The following SCOC variants were observed in gnomAD, a reference collection of about 807,000 sequenced individuals.
SCOC encodes short coiled-coil protein, also known as short coiled coil protein.
A neutral mutation model predicts 9.9 loss-of-function variants in SCOC; 7 were observed. That is an observed-to-expected ratio of 0.71 (90% CI 0.40 to 1.33). The LOEUF (loss-of-function observed/expected upper bound fraction) is 1.33, where lower values mean the gene tolerates loss of function less well. SCOC is among the 40% of genes most tolerant of loss of function. SCOC has a pLI of 0.01. For missense variants in SCOC, 66 were observed against 89.7 expected (o/e 0.74, Z 1.07); for synonymous variants, 19 against 28.2 (o/e 0.67, Z 1.03).
intron 1 of SCOC, among the ~76,000 whole-genome samples, chr4:140,260,626 G>T (rs1188351455): frequency 6.6e-6 from 1 of 152,176 alleles, no homozygotes; most frequent in East Asian, 1.9e-4. Context: ...CCAATGTCCT[G>T]AAATTTTAGT....
chr4:140,325,302 C>T (rs1266631323), intron 1 of SCOC, among the ~76,000 whole-genome samples: 1 of 152,016 alleles, frequency 6.6e-6, no homozygotes, highest in Non-Finnish European at 1.5e-5. Flanking sequence ...AAGAAAAAAA[C>T]TGATAAATTT....
At chr4:140,358,126 T>G (rs1299797477) in intron 2 of SCOC, among the ~76,000 whole-genome samples, 1 of 152,194 alleles carries the variant, frequency 6.6e-6, no homozygotes, top group African/African-American at 2.4e-5. Context: ...CACTCCCTAT[T>G]GTATTGATGG....
In SCOC at chr4:140,282,797, T is replaced by A. The variant is rs149985569; in HGVS notation, c.-19+25387T>A. Among the ~76,000 whole-genome samples, 474 of 152,350 alleles carry A rather than the reference T, an allele frequency of 3.1e-3. 5 individuals are homozygous for A. Among genetic ancestry groups the A allele is most frequent in the African/African-American group, 0.011 (447 of 41,590 alleles). ...AGGTACCTCCCTGCTCTTGAATCTG[T>A]GGGATTATCAATCTCTTAAGCTCCG... On this transcript the variant is annotated intron_variant, in intron 1 of 4. Coordinates refer to the SCOC transcript ENST00000394205.
At chr4:140,261,039 G>A (rs754583546) in intron 1 of SCOC, among the ~76,000 whole-genome samples, 2 of 152,168 alleles carry the variant, frequency 1.3e-5, no homozygotes, top group African/African-American at 2.4e-5. Flanking sequence ...TATGTGCCAG[G>A]CATCATAGCT....
At chr4:140,262,518 G>A (rs1422346518) in intron 1 of SCOC, among the ~76,000 whole-genome samples, 1 of 152,162 alleles carries the variant, frequency 6.6e-6, no homozygotes, top group Non-Finnish European at 1.5e-5. Context: ...CTCTTTGCTT[G>A]TCTTTCTATA....
rs1030119534 is a variant in SCOC at position 140,373,999 on chromosome 4, C to T, written c.-51+282C>T. ...CCTGACGCAGACATCGTGTAGCTTT[C>T]TCCCCGCAGCTCCTGGGTCGGGAGC... On this transcript the variant is annotated intron_variant, in intron 1 of 3. Transcript: ENST00000608372. The T allele has an allele frequency of 2.3e-5, 14 of 608,388 alleles. No individual in the cohort carries two copies. In the African/African-American group the frequency reaches 2.5e-4, roughly 11 times the overall value. 37.7% of individuals were successfully genotyped at this position (608,388 alleles called of 1,614,324 possible). A position where few individuals can be genotyped will look rare whatever the true frequency, so the allele number is the denominator to read the frequency against.
At chr4:140,373,319 A>G (rs1728141218), upstream of SCOC, 2 of 1,396,220 alleles carry the variant, frequency 1.4e-6, no homozygotes, top group Non-Finnish European at 1.9e-6. Flanking sequence ...GATTTTCCAC[A>G]CTGGGATTCT....
chr4:140,343,478 T>G (rs1379691021), intron 1 of SCOC: 9 of 581,520 alleles, frequency 1.5e-5, no homozygotes, highest in Non-Finnish European at 2.5e-5. Context: ...AGGTGAGAAC[T>G]TCTCAGGTGG....
chr4:140,299,479 T>G (rs1024842308), intron 1 of SCOC, among the ~76,000 whole-genome samples: 7 of 152,230 alleles, frequency 4.6e-5, no homozygotes, highest in Admixed American at 3.3e-4. Flanking sequence ...AGTGGGAATT[T>G]CTTAAAGTTA....
At chr4:140,293,610 G>A (rs1365755902) in intron 1 of SCOC, among the ~76,000 whole-genome samples, 1 of 152,240 alleles carries the variant, frequency 6.6e-6, no homozygotes, top group Non-Finnish European at 1.5e-5. Context: ...CATAGTTGCT[G>A]AGTAGAGAAT....
At chr4:140,306,829 A>T (rs1371326227) in intron 1 of SCOC, among the ~76,000 whole-genome samples, 3 of 152,240 alleles carry the variant, frequency 2.0e-5, no homozygotes, top group African/African-American at 7.2e-5. Flanking sequence ...GTATTTGTAG[A>T]TGATTCTCAA....
In SCOC at chr4:140,385,494, A is replaced by C. The variant is rs1728667283; in HGVS notation, c.*4390A>C. On this transcript the variant is annotated 3_prime_UTR_variant, in exon 4 of 4. Coordinates refer to ENST00000608372, the MANE Select transcript of SCOC (RefSeq NM_001153484.2). ...TTTTGGTCATGGAATTGTAGCAACAAAACCTTTTGTAGAAGAGTAACCAAA... is the reference window on the plus strand; with the variant it reads ...TTTTGGTCATGGAATTGTAGCAACACAACCTTTTGTAGAAGAGTAACCAAA... 6.6e-6 allele frequency: 1 copy of C among 152,216 alleles called. No individual in the cohort carries two copies. Among genetic ancestry groups the C allele is most frequent in the Non-Finnish European group, 1.5e-5 (1 of 68,044 alleles). 9.4% of individuals were successfully genotyped at this position (152,216 alleles called of 1,614,324 possible).
rs562255556 is a variant in SCOC at position 140,362,300 on chromosome 4, T to TTCTTCTTCTTCTTCTTCTTCTTCTTC, written c.71-16820_71-16819insCTTCTTCTTCTTCTTCTTCTTCTTCT. Among the ~76,000 whole-genome samples, 27 of 36,586 alleles carry TTCTTCTTCTTCTTCTTCTTCTTCTTC rather than the reference T, an allele frequency of 7.4e-4. 1 individual carries two copies. Among genetic ancestry groups the TTCTTCTTCTTCTTCTTCTTCTTCTTC allele is most frequent in the African/African-American group, 2.4e-3 (23 of 9,402 alleles). 24.0% of individuals were successfully genotyped at this position (36,586 alleles called of 152,430 possible). A position where few individuals can be genotyped will look rare whatever the true frequency, so the allele number is the denominator to read the frequency against. ...TTACTTCTTCTTCTTCTTCTTCTTCTTTTTTTTTTTTTTTTGTGAGAGTCT... is the reference window on the plus strand; with the variant it reads ...TTACTTCTTCTTCTTCTTCTTCTTCTTCTTCTTCTTCTTCTTCTTCTTCTTCTTTTTTTTTTTTTTTGTGAGAGTCT... On this transcript the variant is annotated intron_variant, in intron 2 of 4. Coordinates refer to the SCOC transcript ENST00000338517.
intron 1 of SCOC, among the ~76,000 whole-genome samples, chr4:140,316,574 C>T (rs574918025): frequency 6.6e-6 from 1 of 152,220 alleles, no homozygotes; most frequent in East Asian, 1.9e-4. Flanking sequence ...AACACAGATT[C>T]TCAGAGAAGG....
chr4:140,299,431 A>G (rs1560689996), intron 1 of SCOC, among the ~76,000 whole-genome samples: 1 of 152,080 alleles, frequency 6.6e-6, no homozygotes, highest in Non-Finnish European at 1.5e-5. Flanking sequence ...TCTTTTTTCA[A>G]TTTTTTTCTT....
intron 2 of SCOC, among the ~76,000 whole-genome samples, chr4:140,348,679 C>T (rs1425573660): frequency 6.6e-6 from 1 of 152,136 alleles, no homozygotes; most frequent in Non-Finnish European, 1.5e-5. Flanking sequence ...TGAATACGAG[C>T]ATGCAGATAT....
intron 1 of SCOC, chr4:140,374,058 C>CG (rs778233970): frequency 3.2e-5 from 16 of 507,188 alleles, no homozygotes; most frequent in Middle Eastern, 2.9e-4. Context: ...AATTGGACTG[C>CG]GGGAGGGGCG....
intron 1 of SCOC, among the ~76,000 whole-genome samples, chr4:140,324,246 C>G (rs964368464): frequency 1.3e-5 from 2 of 152,160 alleles, no homozygotes; most frequent in African/African-American, 4.8e-5. Flanking sequence ...CAACTAGCAT[C>G]ATACTTAAGA....
At chr4:140,332,359 CTTTTTTTTTTT>C (rs70943486) in intron 1 of SCOC, among the ~76,000 whole-genome samples, 11 of 76,826 alleles carry the variant, frequency 1.4e-4, no homozygotes, top group East Asian at 8.3e-4. Context: ...CTGGAGTCAT[CTTTTTTTTTTT>C]TTTTTTTTTT....
Sources: gnomAD v4.1 joint callset for allele counts (sites outside exome capture counted in the v4.1 genomes callset) on GRCh38, gnomAD v4.1.1 for gene constraint, MANE v1.5 for transcripts, NCBI Gene and HGNC (gene_info 2026-07-23, HGNC 2026-07-21) for gene names.